The following TTC12 variants were observed in gnomAD, a reference collection of about 807,000 sequenced individuals.
TTC12 encodes the protein tetratricopeptide repeat domain 12.
TTC12 carries 70 observed loss-of-function variants against 90.1 expected under a neutral mutation model. The observed-to-expected ratio is 0.78, with a 90% CI of 0.64 to 0.95. The LOEUF (loss-of-function observed/expected upper bound fraction) is 0.95. Ranked by LOEUF, TTC12 falls within the 40% of genes least tolerant of loss-of-function variation. The probability of loss-of-function intolerance (pLI) is 0.00; values close to 1 mark genes in which losing one functional copy is unlikely to be tolerated. For missense variants in TTC12, 819 were observed against 846.1 expected, an observed-to-expected ratio of 0.97 and a Z score of 0.40; for synonymous variants, 296 against 311.5, an observed-to-expected ratio of 0.95 and a Z score of 0.53.
chr11:113,353,500 C>T (rs1441509205), intron 16 of TTC12, among the ~76,000 whole-genome samples: 3 of 152,098 alleles, frequency 2.0e-5, no homozygotes, highest in Non-Finnish European at 4.4e-5. Context: ...GCTTTGGTTG[C>T]GATTGCTTTT....
rs564000138 is a variant in TTC12 at position 113,352,599 on chromosome 11, C to T, written c.1446+392C>T. On this transcript the variant is annotated intron_variant, in intron 16 of 21. Transcript: ENST00000529221. ...CCTATTATTTATTTTTCCTCATCCT[C>T]TCCCCCTTCCTCCCTTCTGGCAGGC... is the stretch of plus-strand genomic sequence containing the variant. 3.9e-3 allele frequency among the ~76,000 whole-genome samples: 592 copies of T among 152,196 alleles called. 3 individuals carry two copies. Among genetic ancestry groups the T allele is most frequent in the Middle Eastern group, 0.017 (5 of 294 alleles).
At chr11:113,331,967 C>G (rs1305119149) in intron 7 of TTC12, among the ~76,000 whole-genome samples, 1 of 152,212 alleles carries the variant, frequency 6.6e-6, no homozygotes, top group Non-Finnish European at 1.5e-5. Flanking sequence ...CTTTTGCTCT[C>G]TTTAAAATTA....
At chr11:113,367,458 A>G (rs886875280), downstream of TTC12, among the ~76,000 whole-genome samples, 3 of 152,210 alleles carry the variant, frequency 2.0e-5, no homozygotes, top group African/African-American at 7.2e-5. Flanking sequence ...ATAAGAGATT[A>G]CCAGACTCTA....
intron 8 of TTC12, among the ~76,000 whole-genome samples, chr11:113,337,467 G>A (rs1555144413): frequency 3.3e-5 from 5 of 152,164 alleles, no homozygotes; most frequent in African/African-American, 1.2e-4. Flanking sequence ...GGAGTGACGT[G>A]AGCAAACCAT....
intron 8 of TTC12, among the ~76,000 whole-genome samples, chr11:113,336,535 A>G (rs1288287694): frequency 6.6e-6 from 1 of 152,050 alleles, no homozygotes; most frequent in Non-Finnish European, 1.5e-5. Context: ...GCTATCTCCA[A>G]TCCATTTTGA....
At chr11:113,331,187 A>C (rs1376461722) in intron 7 of TTC12, among the ~76,000 whole-genome samples, 1 of 152,206 alleles carries the variant, frequency 6.6e-6, no homozygotes, top group African/African-American at 2.4e-5. Flanking sequence ...CCCATTGCAC[A>C]GGTATAGTCT....
intron 1 of TTC12, chr11:113,316,036 C>G (rs532981751): frequency 2.0e-4 from 73 of 372,766 alleles, no homozygotes; most frequent in Admixed American, 1.2e-3. Context: ...TGGAAGCTTT[C>G]TGGAAGCATT....
chr11:113,329,121 T>TTTATA (rs1348529685), intron 6 of TTC12, among the ~76,000 whole-genome samples: 1 of 152,244 alleles, frequency 6.6e-6, no homozygotes, highest in Middle Eastern at 3.2e-3. Flanking sequence ...TGGATGTATA[T>TTTATA]TTATATTCTT....
intron 21 of TTC12, among the ~76,000 whole-genome samples, chr11:113,372,763 G>C (rs1009900400): frequency 3.3e-5 from 5 of 152,088 alleles, no homozygotes; most frequent in African/African-American, 1.2e-4. Context: ...CCTTAAAGTA[G>C]GCTTGGTTTT....
At chr11:113,368,520 A>C, downstream of TTC12, 2 of 1,546,844 alleles carry the variant, frequency 1.3e-6, no homozygotes, top group East Asian at 2.4e-5. Context: ...CATCCTAAAG[A>C]GGATGTGGCC....
chr11:113,359,861 G>T, intron 17 of TTC12, 79 bp from the exon 18 acceptor site: 1 of 1,132,344 alleles, frequency 8.8e-7, no homozygotes. Flanking sequence ...AAAGGAGACG[G>T]TGCTCAGAAG....
downstream of TTC12, chr11:113,368,178 T>C (rs1950274793): frequency 7.0e-7 from 1 of 1,428,142 alleles, no homozygotes; most frequent in Non-Finnish European, 9.3e-7. Context: ...ATTATGTTTA[T>C]TGTTCCAGAG....
intron 7 of TTC12, among the ~76,000 whole-genome samples, chr11:113,334,115 G>A (rs1432383246): frequency 6.6e-6 from 1 of 152,130 alleles, no homozygotes; most frequent in Non-Finnish European, 1.5e-5. Context: ...TCCACCCCGG[G>A]ACATTTTAGA....
intron 16 of TTC12, among the ~76,000 whole-genome samples, chr11:113,357,848 A>G (rs1272318033): frequency 1.3e-5 from 2 of 152,176 alleles, no homozygotes; most frequent in Non-Finnish European, 1.5e-5. Flanking sequence ...CTACACTCCA[A>G]TGGGTGTTGT....
At chr11:113,368,495 G>A (rs777265147), downstream of TTC12, 240 of 1,550,288 alleles carry the variant, frequency 1.5e-4, no homozygotes, top group Middle Eastern at 8.3e-4. Flanking sequence ...AACAAGCAGA[G>A]GAGCTGGGAT....
chr11:113,361,372 T>C (rs1276071569), intron 18 of TTC12, among the ~76,000 whole-genome samples: 1 of 152,174 alleles, frequency 6.6e-6, no homozygotes, highest in Non-Finnish European at 1.5e-5. Context: ...TTAACAAGTT[T>C]CCTGAAGATG....
chr11:113,352,169 G>A lies in TTC12; in HGVS notation c.1408G>A (p.Ala470Thr). 4.3e-6 allele frequency: 7 copies of A among 1,614,218 alleles called. No individual in the cohort carries two copies. Among genetic ancestry groups the A allele is most frequent in the Non-Finnish European group, 5.9e-6 (7 of 1,180,040 alleles). ...GCCCACTACCCGAAGACACATGGCG[G>A]CCTGTGAGGAATTTGGGGATGGCTG... is the stretch of plus-strand genomic sequence containing the variant. ...AEPTTRRHMA[A>T]CEEFGDGCLS... The change falls in exon 16 of 22, where the codon GCC (alanine) becomes ACC (threonine). Residue 470 changes from alanine to threonine, a missense_variant. Physicochemically the swap from Ala to Thr is moderately conservative, Grantham distance 58. Transcript: ENST00000529221.
intron 2 of TTC12, among the ~76,000 whole-genome samples, chr11:113,320,466 A>C (rs939113804): frequency 6.6e-6 from 1 of 152,096 alleles, no homozygotes; most frequent in Admixed American, 6.6e-5. Context: ...GAGTTGGGCC[A>C]CTGGATGGCC....
In TTC12 at chr11:113,352,209, T is replaced by C. The variant is rs77534773; in HGVS notation, c.1446+2T>C. 1.2e-3 allele frequency: 1,903 copies of C among 1,614,150 alleles called. 16 individuals carry two copies. The Admixed American group carries it at 0.016, about 14-fold the overall frequency. On this transcript the variant is annotated splice_donor_variant, in intron 16 of 21. Transcript: ENST00000529221. LOFTEE classifies it high-confidence loss of function. ...GGGGATGGCTGCTTGAGCCTCCTGG[T>C]ATGTTAGCTTTTCTATTCAAAATTG...
Sources: gnomAD v4.1 joint callset for allele counts (sites outside exome capture counted in the v4.1 genomes callset) on GRCh38, gnomAD v4.1.1 for gene constraint, MANE v1.5 for transcripts, NCBI Gene and HGNC (gene_info 2026-07-23, HGNC 2026-07-21) for gene names.